The following ELF1 variants were observed in gnomAD, a reference collection of about 807,000 sequenced individuals.
The protein encoded by ELF1 is ETS-related transcription factor Elf-1.
Under a neutral mutation model 59.9 loss-of-function variants are expected in ELF1, and 24 were observed. The ratio of observed to expected loss-of-function variants is 0.40; its 90% CI spans 0.29 to 0.56. The LOEUF is 0.56. Among genes scored for constraint, ELF1 ranks in the 20% least tolerant of loss-of-function variants. The pLI, the probability that ELF1 is intolerant of heterozygous loss-of-function variation, is 0.44. For missense variants in ELF1, 627 were observed against 742.2 expected (o/e 0.84, Z 1.80); for synonymous variants, 248 against 266.2 (o/e 0.93, Z 0.67).
chr13:40,974,519 T>C (rs559733075), intron 2 of ELF1, among the ~76,000 whole-genome samples: 22 of 152,304 alleles, frequency 1.4e-4, no homozygotes, highest in South Asian at 4.1e-4. Context: ...CTTCTTAGGA[T>C]TGTTGTAAGA....
intron 2 of ELF1, among the ~76,000 whole-genome samples, chr13:40,964,033 T>C (rs1163617052): frequency 1.3e-5 from 2 of 151,898 alleles, no homozygotes; most frequent in Non-Finnish European, 2.9e-5. Context: ...CTACCATAAA[T>C]AGAAAAAAAA....
intron 3 of ELF1, among the ~76,000 whole-genome samples, chr13:40,953,466 C>T (rs1017595898): frequency 9.9e-5 from 15 of 152,076 alleles, no homozygotes; most frequent in Non-Finnish European, 1.6e-4. Flanking sequence ...CTGGCAGGTA[C>T]AAAACATAAG....
intron 1 of ELF1, among the ~76,000 whole-genome samples, chr13:40,986,631 C>T (rs1271695275): frequency 8.6e-6 from 1 of 116,072 alleles, no homozygotes; most frequent in African/African-American, 3.3e-5. Context: ...ACAAATCCTG[C>T]TGCTTCAAGG....
chr13:40,947,180 CA>C (rs1392301048), intron 5 of ELF1, among the ~76,000 whole-genome samples: 1 of 151,642 alleles, frequency 6.6e-6, no homozygotes, highest in African/African-American at 2.4e-5. Flanking sequence ...GCAGTTGCCC[CA>C]AACTACAAAC....
intron 1 of ELF1, among the ~76,000 whole-genome samples, chr13:41,016,951 T>TAA (rs1566190621): frequency 2.0e-5 from 1 of 49,290 alleles, no homozygotes; most frequent in Admixed American, 2.6e-4. Flanking sequence ...AAAAAAAATA[T>TAA]ATATATATAT....
intron 2 of ELF1, among the ~76,000 whole-genome samples, chr13:40,968,501 T>C (rs1872323438): frequency 6.6e-6 from 1 of 152,220 alleles, no homozygotes; most frequent in South Asian, 2.1e-4. Context: ...GTTTCTACTA[T>C]TTCTAAATTC....
At position 41,003,931 on chromosome 13, in the gene ELF1, T is replaced by C. The variant is rs867283763; in HGVS notation, c.-229+15297A>G. On this transcript the variant is annotated intron_variant, in intron 1 of 8. Coordinates refer to ENST00000239882, the MANE Select transcript of ELF1 (RefSeq NM_172373.4). ...GTGGAGCTGAAGTACAAAATAACTTTTACAATAAAATTATTTCTTAGAAAT... is the reference window on the plus strand; with the variant it reads ...GTGGAGCTGAAGTACAAAATAACTTCTACAATAAAATTATTTCTTAGAAAT... 5.9e-5 allele frequency among the ~76,000 whole-genome samples: 9 copies of C among 152,168 alleles called. No homozygotes were observed. The South Asian group carries it at 1.0e-3, about 18-fold the overall frequency.
chr13:40,952,886 A>G, intron 3 of ELF1, among the ~76,000 whole-genome samples: 1 of 152,156 alleles, frequency 6.6e-6, no homozygotes, highest in East Asian at 1.9e-4. Context: ...AATCTAAAAT[A>G]CCATATTTTA....
intron 1 of ELF1, among the ~76,000 whole-genome samples, chr13:41,016,387 G>A (rs1431018305): frequency 6.6e-6 from 1 of 152,104 alleles, no homozygotes; most frequent in Non-Finnish European, 1.5e-5. Flanking sequence ...AAAGTTAACA[G>A]ACAAAAGATT....
intron 1 of ELF1, among the ~76,000 whole-genome samples, chr13:41,035,847 C>A (rs200045289): frequency 0.21 from 30,344 of 144,914 alleles, 3,203 homozygotes; most frequent in East Asian, 0.29. Context: ...AAAAAAAAAA[C>A]AACAACAACA....
chr13:41,048,738 T>C (rs1876964287), intron 1 of ELF1, among the ~76,000 whole-genome samples: 1 of 151,738 alleles, frequency 6.6e-6, no homozygotes. Flanking sequence ...ATTCAAGTTT[T>C]TCCTTTAAAA....
chr13:40,975,200 C>T (rs529498487), intron 2 of ELF1, among the ~76,000 whole-genome samples: 1 of 152,312 alleles, frequency 6.6e-6, no homozygotes, highest in East Asian at 1.9e-4. Context: ...GAATAAGTTA[C>T]ACATTAAACA....
intron 1 of ELF1, among the ~76,000 whole-genome samples, chr13:41,015,655 T>C (rs901441037): frequency 2.0e-5 from 3 of 152,192 alleles, no homozygotes. Context: ...GAGTTAAAAC[T>C]GGGTGATTCT....
chr13:40,982,318 C>T (rs1400896329), intron 1 of ELF1, 36 bp from the exon 2 acceptor site: 2 of 1,192,264 alleles, frequency 1.7e-6, no homozygotes, highest in Non-Finnish European at 2.1e-6. Context: ...TATGAAAAAG[C>T]AATCACCCAC....
chr13:40,941,155 G>C lies in ELF1; in HGVS notation c.1022C>G (p.Ala341Gly). 1 of 1,614,070 alleles carries C rather than the reference G, an allele frequency of 6.2e-7. No homozygotes were observed. Among genetic ancestry groups the C allele is most frequent in the Non-Finnish European group, 8.5e-7 (1 of 1,179,934 alleles). Residue 341 changes from alanine (A) to glycine (G), a missense_variant, in exon 8 of 9, where the codon GCC (alanine) becomes GGC (glycine). Around this residue, in one of 3 missense-constraint regions of ELF1, gnomAD observed 361 missense variants for 396.1 expected, o/e 0.91. Coordinates refer to ENST00000239882, the MANE Select transcript of ELF1 (RefSeq NM_172373.4). Reference sequence around the variant, plus strand: ...ATTCCCTGGTTTTAGAACTGTAGTGGCTCCTCCTTTTACCCCTGGACTTGA... The same window carrying C: ...ATTCCCTGGTTTTAGAACTGTAGTGCCTCCTCCTTTTACCCCTGGACTTGA... Reference protein sequence around the residue: ...VSSSPGVKGGATTVLKPGNSK... With the variant: ...VSSSPGVKGGGTTVLKPGNSK...
intron 3 of ELF1, among the ~76,000 whole-genome samples, chr13:40,955,457 C>T (rs1871238399): frequency 7.7e-6 from 1 of 129,608 alleles, no homozygotes; most frequent in African/African-American, 2.8e-5. Context: ...GCCGCCCCGT[C>T]CGGGAGGTGA....
At chr13:40,942,108 T>C (rs1201106081) in intron 7 of ELF1, among the ~76,000 whole-genome samples, 1 of 152,248 alleles carries the variant, frequency 6.6e-6, no homozygotes, top group Non-Finnish European at 1.5e-5. Context: ...TGTATCAGTT[T>C]AAATTTGATT....
chr13:41,032,863 AAAC>A (rs973823276), intron 1 of ELF1, among the ~76,000 whole-genome samples: 13 of 150,748 alleles, frequency 8.6e-5, no homozygotes, highest in East Asian at 4.0e-4. Context: ...AAAAAAAAAA[AAAC>A]AAACCAAAGA....
intron 1 of ELF1, among the ~76,000 whole-genome samples, chr13:40,986,843 TTGAA>T (rs770442282): frequency 6.6e-6 from 1 of 152,106 alleles, no homozygotes; most frequent in Non-Finnish European, 1.5e-5. Flanking sequence ...TGATCACTGA[TTGAA>T]TGTAAATTTA....
Sources: gnomAD v4.1 joint callset for allele counts (sites outside exome capture counted in the v4.1 genomes callset) on GRCh38, gnomAD v4.1.1 for gene constraint, gnomAD v4.1.1 regional missense constraint, MANE v1.5 for transcripts, NCBI Gene and HGNC (gene_info 2026-07-23, HGNC 2026-07-21) for gene names.